PPARGC1A: variants seen among roughly 807,000 people sequenced by gnomAD.
PPARGC1A encodes the protein PPARG coactivator 1 alpha, also known as peroxisome proliferator-activated receptor gamma coactivator 1-alpha.
Under a neutral mutation model 88.7 loss-of-function variants are expected in PPARGC1A, and 25 were observed. The observed-to-expected ratio is 0.28, with a 90% CI of 0.21 to 0.39. The LOEUF (loss-of-function observed/expected upper bound fraction) is 0.39, where lower values mean the gene tolerates loss of function less well. Among genes scored for constraint, PPARGC1A ranks in the 10% least tolerant of loss-of-function variants. PPARGC1A has a pLI of 1.00. For synonymous variants in PPARGC1A, 363 were observed against 355.6 expected, an observed-to-expected ratio of 1.02 and a Z score of -0.24; for missense variants, 880 against 968.7, an observed-to-expected ratio of 0.91 and a Z score of 1.22.
Position 23,802,302 on chromosome 4 carries a change from G to T in PPARGC1A, c.2063C>A (p.Thr688Lys). 1 of 1,614,010 alleles carries T rather than the reference G, an allele frequency of 6.2e-7. No homozygotes were observed. The highest frequency in any genetic ancestry group is 8.5e-7 in the Non-Finnish European group (1 of 1,179,962). Residue 688 changes from threonine to lysine, a missense_variant, in exon 11 of 13, where the codon ACA becomes AAA. Physicochemically the swap from Thr to Lys is moderately conservative, Grantham distance 78. Coordinates refer to ENST00000264867, the MANE Select transcript of PPARGC1A (RefSeq NM_013261.5). ...ACGGTCCCTCAGTTCTGTCCGTGTT[G>T]TGTCAGGTCTGATTTTACCGACATA... ...VIYVGKIRPDTTRTELRDRFE... is the reference protein window; with the variant it reads ...VIYVGKIRPDKTRTELRDRFE...
the PPARGC1A span, among the ~76,000 whole-genome samples, chr4:24,100,252 C>A: frequency 6.6e-6 from 1 of 152,112 alleles, no homozygotes; most frequent in African/African-American, 2.4e-5. Flanking sequence ...GGTCTATTGG[C>A]ATATGAAGCT....
At chr4:24,093,794 T>C in the PPARGC1A span, among the ~76,000 whole-genome samples, 2 of 152,234 alleles carry the variant, frequency 1.3e-5, no homozygotes, top group Non-Finnish European at 2.9e-5. Context: ...GATTTGATTA[T>C]CAGCTCCATT....
chr4:23,884,482 C>A (rs1716518538), intron 2 of PPARGC1A: 6 of 399,426 alleles, frequency 1.5e-5, no homozygotes, highest in Admixed American at 1.3e-4. Flanking sequence ...TCTTTCACAA[C>A]CCTTTAGTAT....
chr4:24,164,193 A>G, the PPARGC1A span, among the ~76,000 whole-genome samples: 1 of 152,214 alleles, frequency 6.6e-6, no homozygotes, highest in Non-Finnish European at 1.5e-5. Flanking sequence ...GTTATGAGTG[A>G]GCTGAGCTCC....
chr4:23,893,284 T>C (rs915548733), upstream of PPARGC1A, among the ~76,000 whole-genome samples: 1 of 152,112 alleles, frequency 6.6e-6, no homozygotes, highest in African/African-American at 2.4e-5. Context: ...AATTAAAGGC[T>C]TTTCCCATCC....
At chr4:24,015,707 C>G in the PPARGC1A span, among the ~76,000 whole-genome samples, 1 of 152,244 alleles carries the variant, frequency 6.6e-6, no homozygotes, top group Middle Eastern at 3.4e-3. Flanking sequence ...CTTCAAAGTA[C>G]TTGTCATTTC....
At chr4:23,878,616 A>G (rs1486480673) in intron 2 of PPARGC1A, among the ~76,000 whole-genome samples, 1 of 152,204 alleles carries the variant, frequency 6.6e-6, no homozygotes, top group Non-Finnish European at 1.5e-5. Flanking sequence ...GATGTTATCA[A>G]GCCGAGAAGT....
the PPARGC1A span, among the ~76,000 whole-genome samples, chr4:24,167,494 T>C: frequency 2.6e-5 from 4 of 152,170 alleles, no homozygotes; most frequent in African/African-American, 9.7e-5. Context: ...AGATGTTCTA[T>C]TGTGTGTAAA....
chr4:24,177,604 G>C, the PPARGC1A span, among the ~76,000 whole-genome samples: 1 of 146,862 alleles, frequency 6.8e-6, no homozygotes, highest in East Asian at 2.0e-4. Context: ...ATGTACCCTA[G>C]AACTTCAAGT....
At chr4:24,262,925 C>T in the PPARGC1A span, among the ~76,000 whole-genome samples, 5 of 152,144 alleles carry the variant, frequency 3.3e-5, no homozygotes, top group African/African-American at 4.8e-5. Context: ...GCCTTGCAGA[C>T]GGCTCCATGC....
chr4:24,173,163 G>A, the PPARGC1A span, among the ~76,000 whole-genome samples: 119 of 152,198 alleles, frequency 7.8e-4, no homozygotes, highest in African/African-American at 2.6e-3. Flanking sequence ...GAGGGCTAAC[G>A]ATGTGTCAGA....
the PPARGC1A span, among the ~76,000 whole-genome samples, chr4:23,939,790 A>T: frequency 0.35 from 52,591 of 152,022 alleles, 9,847 homozygotes; most frequent in Non-Finnish European, 0.44. Flanking sequence ...AGAAAGTGAT[A>T]TTACCCTAGG....
the PPARGC1A span, among the ~76,000 whole-genome samples, chr4:24,321,565 C>T: frequency 2.0e-5 from 3 of 152,198 alleles, no homozygotes; most frequent in African/African-American, 4.8e-5. Context: ...CTTCGCAGCG[C>T]TACCCTGCCG....
At chr4:23,812,612 A>T (rs1350057003) in intron 10 of PPARGC1A, 135 bp downstream of exon 10, 2 of 1,381,298 alleles carry the variant, frequency 1.4e-6, no homozygotes, top group Non-Finnish European at 2.0e-6. Context: ...TGGATATTTT[A>T]AAGCCAAAAG....
At chr4:24,240,969 G>C in the PPARGC1A span, among the ~76,000 whole-genome samples, 2 of 152,132 alleles carry the variant, frequency 1.3e-5, no homozygotes, top group Non-Finnish European at 2.9e-5. Flanking sequence ...AAATATTTGA[G>C]GATACAAGAG....
At chr4:24,243,184 C>T in the PPARGC1A span, among the ~76,000 whole-genome samples, 14,185 of 152,164 alleles carry the variant, frequency 0.093, 999 homozygotes, top group East Asian at 0.38. Flanking sequence ...TTTACATCCA[C>T]TCAACATATC....
At chr4:24,061,062 A>G in the PPARGC1A span, among the ~76,000 whole-genome samples, 2 of 152,166 alleles carry the variant, frequency 1.3e-5, no homozygotes, top group Admixed American at 1.3e-4. Context: ...TCTGGAAAAA[A>G]AAAGAAAAGA....
chr4:24,372,861 C>T, the PPARGC1A span, among the ~76,000 whole-genome samples: 2 of 152,218 alleles, frequency 1.3e-5, no homozygotes, highest in East Asian at 1.9e-4. Context: ...GTTACTACTT[C>T]CTTCCTACAA....
chr4:23,796,365 A>C (rs556148950), intron 12 of PPARGC1A, among the ~76,000 whole-genome samples: 74 of 152,232 alleles, frequency 4.9e-4, no homozygotes, highest in Middle Eastern at 6.8e-3. Flanking sequence ...ATTTCCCCTA[A>C]ACTTCAACCT....
Sources: gnomAD v4.1 joint callset for allele counts (sites outside exome capture counted in the v4.1 genomes callset) on GRCh38, gnomAD v4.1.1 for gene constraint, MANE v1.5 for transcripts, NCBI Gene and HGNC (gene_info 2026-07-23, HGNC 2026-07-21) for gene names.